STXBP5L: variants seen among roughly 807,000 people sequenced by gnomAD.
The protein encoded by STXBP5L is syntaxin-binding protein 5-like.
In STXBP5L, 65 loss-of-function variants were observed where a neutral mutation model predicts 144.5. That is an observed-to-expected ratio of 0.45 (90% CI 0.37 to 0.55). The LOEUF (loss-of-function observed/expected upper bound fraction) is 0.55, where lower values mean the gene tolerates loss of function less well. Ranked by LOEUF, STXBP5L falls within the 20% of genes least tolerant of loss-of-function variation. STXBP5L has a pLI of 0.00. For synonymous variants in STXBP5L, 505 were observed against 469.6 expected (o/e 1.08, Z -0.97); for missense variants, 1,298 against 1,405.5 (o/e 0.92, Z 1.22).
At chr3:121,273,827 C>G (rs949712281) in intron 18 of STXBP5L, among the ~76,000 whole-genome samples, 1 of 151,908 alleles carries the variant, frequency 6.6e-6, no homozygotes, top group Non-Finnish European at 1.5e-5. Context: ...TAGCAGAGCT[C>G]TCTACTGCAT....
intron 19 of STXBP5L, among the ~76,000 whole-genome samples, chr3:121,295,638 A>T (rs1474492081): frequency 6.6e-6 from 1 of 152,144 alleles, no homozygotes; most frequent in East Asian, 1.9e-4. Context: ...CGTGAGTCAG[A>T]CAAATAAAAC....
chr3:121,326,062 C>A (rs1309312607), intron 20 of STXBP5L, among the ~76,000 whole-genome samples: 1 of 150,968 alleles, frequency 6.6e-6, no homozygotes, highest in Non-Finnish European at 1.5e-5. Flanking sequence ...TCAAAATAGA[C>A]ATTAATCTTA....
At chr3:121,106,697 T>C (rs2043729411) in intron 5 of STXBP5L, among the ~76,000 whole-genome samples, 1 of 152,246 alleles carries the variant, frequency 6.6e-6, no homozygotes. Context: ...AGTGCTGTAA[T>C]GAACATATGC....
At chr3:121,027,976 C>A (rs1288131013) in intron 3 of STXBP5L, among the ~76,000 whole-genome samples, 1 of 151,960 alleles carries the variant, frequency 6.6e-6, no homozygotes, top group Non-Finnish European at 1.5e-5. Context: ...ACTCTGTAAA[C>A]TGTCACTTGA....
chr3:120,984,269 C>T (rs915710462), intron 3 of STXBP5L, among the ~76,000 whole-genome samples: 2 of 152,174 alleles, frequency 1.3e-5, no homozygotes, highest in Non-Finnish European at 2.9e-5. Flanking sequence ...ATGACTTTTT[C>T]TTTTACCAGT....
chr3:121,092,680 G>C (rs1045597302), intron 5 of STXBP5L, among the ~76,000 whole-genome samples: 25 of 151,730 alleles, frequency 1.6e-4, no homozygotes, highest in African/African-American at 5.8e-4. Context: ...GGCTGAGACA[G>C]TGGGGTTTTC....
chr3:121,354,913 C>A (rs989875699), intron 20 of STXBP5L, among the ~76,000 whole-genome samples: 1 of 152,082 alleles, frequency 6.6e-6, no homozygotes, highest in African/African-American at 2.4e-5. Context: ...TCAGCATTTG[C>A]TTGTCTGTAA....
chr3:121,041,826 A>G (rs1213697335), intron 4 of STXBP5L, 45 bp downstream of exon 4: 5 of 1,241,178 alleles, frequency 4.0e-6, no homozygotes, highest in African/African-American at 1.5e-5. Context: ...CTCCCCCACT[A>G]CACAGTGAAT....
intron 5 of STXBP5L, among the ~76,000 whole-genome samples, chr3:121,076,861 C>A (rs1262745991): frequency 6.6e-6 from 1 of 152,146 alleles, no homozygotes; most frequent in Non-Finnish European, 1.5e-5. Flanking sequence ...ACTTTTGGAT[C>A]CACCAGACTG....
Position 121,094,868 on chromosome 3 carries a change from C to T in STXBP5L, c.471-20057C>T, listed in dbSNP as rs538747517. Among the ~76,000 whole-genome samples, 692 of 151,960 alleles carry T rather than the reference C, an allele frequency of 4.6e-3. 4 individuals carry two copies. Among genetic ancestry groups the T allele is most frequent in the African/African-American group, 0.016 (659 of 41,438 alleles). On this transcript the variant is annotated intron_variant, in intron 5 of 26. Coordinates refer to ENST00000471454, the MANE Select transcript of STXBP5L (RefSeq NM_001308330.2). ...AGTTGATGCAGTTTCTTCCTAGTCT[C>T]GATGGTCTTTACATTTTGGCATGAT...
chr3:121,278,551 G>A (rs2050954121), intron 18 of STXBP5L, among the ~76,000 whole-genome samples: 1 of 151,778 alleles, frequency 6.6e-6, no homozygotes, highest in Admixed American at 6.6e-5. Context: ...AAAGTTTAAG[G>A]ATACTAATTT....
intron 6 of STXBP5L, 32 bp downstream of exon 6, chr3:121,115,091 C>T: frequency 6.3e-7 from 1 of 1,585,446 alleles, no homozygotes; most frequent in Non-Finnish European, 8.6e-7. Flanking sequence ...ACTTTATTGG[C>T]TTAAATACTT....
At chr3:121,257,021 A>C (rs977808677) in intron 16 of STXBP5L, 140 bp from the exon 17 acceptor site, 1 of 602,622 alleles carries the variant, frequency 1.7e-6, no homozygotes, top group Non-Finnish European at 2.7e-6. Context: ...TATTGAACTT[A>C]TTAATTTGAA....
chr3:120,959,576 A>G (rs961582156), intron 3 of STXBP5L, among the ~76,000 whole-genome samples: 3 of 152,186 alleles, frequency 2.0e-5, no homozygotes, highest in Admixed American at 1.3e-4. Flanking sequence ...GGAACAGAAC[A>G]GAGGCCTCAG....
At chr3:121,276,530 C>T (rs146022476) in intron 18 of STXBP5L, among the ~76,000 whole-genome samples, 1 of 151,596 alleles carries the variant, frequency 6.6e-6, no homozygotes, top group East Asian at 1.9e-4. Flanking sequence ...TTTTTGTAAC[C>T]CATTTATGTG....
chr3:121,098,407 C>T (rs550899209), intron 5 of STXBP5L, among the ~76,000 whole-genome samples: 2 of 152,260 alleles, frequency 1.3e-5, no homozygotes, highest in South Asian at 4.1e-4. Context: ...CTCATATGAA[C>T]TTACAGGGTA....
chr3:121,318,817 T>C (rs959446373), intron 20 of STXBP5L, among the ~76,000 whole-genome samples: 1 of 152,206 alleles, frequency 6.6e-6, no homozygotes, highest in Admixed American at 6.5e-5. Context: ...ACATTAATAA[T>C]GCTTACTAAG....
chr3:121,165,436 C>A (rs932923360), intron 9 of STXBP5L, among the ~76,000 whole-genome samples: 2 of 152,098 alleles, frequency 1.3e-5, no homozygotes, highest in Admixed American at 1.3e-4. Context: ...AATTTTCATT[C>A]TTTTGTGGTG....
intron 22 of STXBP5L, among the ~76,000 whole-genome samples, chr3:121,402,952 C>T (rs116107174): frequency 0.012 from 1,898 of 152,254 alleles, 33 homozygotes; most frequent in African/African-American, 0.043. Context: ...ATCTCAGCCA[C>T]CTGAGTAGCT....
Sources: gnomAD v4.1 joint callset for allele counts (sites outside exome capture counted in the v4.1 genomes callset) on GRCh38, gnomAD v4.1.1 for gene constraint, MANE v1.5 for transcripts, NCBI Gene and HGNC (gene_info 2026-07-23, HGNC 2026-07-21) for gene names.